The following ARFGEF3 variants were observed in gnomAD, a reference collection of about 807,000 sequenced individuals.
ARFGEF3 encodes the protein brefeldin A-inhibited guanine nucleotide-exchange protein 3.
Under a neutral mutation model 221.7 loss-of-function variants are expected in ARFGEF3, and 96 were observed. That is an observed-to-expected ratio of 0.43 (90% CI 0.37 to 0.51). The LOEUF is 0.51. Ranked by LOEUF, ARFGEF3 falls within the 20% of genes least tolerant of loss-of-function variation. The probability of loss-of-function intolerance (pLI) is 0.00; values close to 1 mark genes in which losing one functional copy is unlikely to be tolerated. For synonymous variants in ARFGEF3, 1,145 were observed against 1,126.8 expected (o/e 1.02, Z -0.32); for missense variants, 2,410 against 2,789.9 (o/e 0.86, Z 3.07).
At chr6:138,304,159 T>C (rs1431662524) in intron 22 of ARFGEF3, among the ~76,000 whole-genome samples, 1 of 152,222 alleles carries the variant, frequency 6.6e-6, no homozygotes, top group East Asian at 1.9e-4. Context: ...TGAAATATTA[T>C]TCTGCAATAA....
chr6:138,261,477 C>CT (rs1778792295), intron 10 of ARFGEF3, 50 bp from the exon 11 acceptor site: 1 of 1,161,372 alleles, frequency 8.6e-7, no homozygotes, highest in Non-Finnish European at 1.2e-6. Flanking sequence ...AAACCTTGTG[C>CT]TTTTTTGTGA....
At chr6:138,207,326 C>T (rs1343592269) in intron 3 of ARFGEF3, among the ~76,000 whole-genome samples, 1 of 152,172 alleles carries the variant, frequency 6.6e-6, no homozygotes, top group Admixed American at 6.5e-5. Flanking sequence ...TTTCGTTGAA[C>T]CTTTGTGATC....
At chr6:138,281,125 AC>A (rs1423386017) in intron 14 of ARFGEF3, among the ~76,000 whole-genome samples, 1 of 152,298 alleles carries the variant, frequency 6.6e-6, no homozygotes, top group East Asian at 1.9e-4. Flanking sequence ...TTGTTTTGAG[AC>A]AATGATCCTT....
chr6:138,221,468 T>C (rs1480745337), intron 4 of ARFGEF3, among the ~76,000 whole-genome samples: 1 of 152,218 alleles, frequency 6.6e-6, no homozygotes, highest in Non-Finnish European at 1.5e-5. Flanking sequence ...TCAATATTTA[T>C]TTGTGATGTT....
At chr6:138,201,658 T>G (rs542099085) in intron 2 of ARFGEF3, among the ~76,000 whole-genome samples, 1 of 152,256 alleles carries the variant, frequency 6.6e-6, no homozygotes, top group South Asian at 2.1e-4. Context: ...ATGGGCTTTT[T>G]GGGGACTTGA....
At chr6:138,323,340 G>A (rs545340014) in intron 29 of ARFGEF3, among the ~76,000 whole-genome samples, 11 of 152,198 alleles carry the variant, frequency 7.2e-5, no homozygotes, top group East Asian at 3.9e-4. Flanking sequence ...GGCCGGGCGC[G>A]GTGTCCCACA....
At chr6:138,217,760 TA>T in intron 4 of ARFGEF3, 1 of 572,436 alleles carries the variant, frequency 1.7e-6, no homozygotes, top group Non-Finnish European at 2.7e-6. Flanking sequence ...AATAACAAAC[TA>T]AATTGAGATA....
intron 2 of ARFGEF3, among the ~76,000 whole-genome samples, chr6:138,197,667 C>T (rs1359628441): frequency 1.3e-5 from 2 of 152,142 alleles, no homozygotes; most frequent in African/African-American, 2.4e-5. Flanking sequence ...CCGTCATTGA[C>T]GGAAACACCA....
intron 9 of ARFGEF3, 136 bp downstream of exon 9, chr6:138,254,120 A>C: frequency 1.7e-6 from 1 of 588,628 alleles, no homozygotes; most frequent in Non-Finnish European, 2.8e-6. Context: ...CTTAGAGGGA[A>C]AGCAGGGAAA....
intron 2 of ARFGEF3, among the ~76,000 whole-genome samples, chr6:138,172,861 T>G (rs1181097025): frequency 1.3e-5 from 2 of 152,240 alleles, no homozygotes; most frequent in Non-Finnish European, 2.9e-5. Context: ...GCTAACCATA[T>G]TGACATTTTG....
At chr6:138,294,989 C>T (rs1402764904) in intron 20 of ARFGEF3, among the ~76,000 whole-genome samples, 2 of 152,166 alleles carry the variant, frequency 1.3e-5, no homozygotes, top group Non-Finnish European at 2.9e-5. Context: ...AGTTGTTTCC[C>T]CACTAGTTTT....
rs778403037 is a variant in ARFGEF3, at chr6:138,255,399, C to T, written c.771-37C>T. On this transcript the variant is annotated intron_variant, in intron 9 of 33. Transcript: ENST00000251691. ...GCAGAGTAAATTTTATCATTTGGCT[C>T]GTGGGGAAAGTTACTTTTCTCACCA... is the stretch of plus-strand genomic sequence containing the variant. The T allele has an allele frequency of 2.0e-5, 29 of 1,466,506 alleles. 1 individual carries two copies. The South Asian group carries it at 2.5e-4, about 13-fold the overall frequency. The allele number at this position is 1,466,506 out of a possible 1,614,324, so 90.8% of individuals were successfully genotyped here.
intron 12 of ARFGEF3, 29 bp from the exon 13 acceptor site, chr6:138,278,422 C>A: frequency 1.2e-6 from 2 of 1,609,184 alleles, no homozygotes; most frequent in Non-Finnish European, 1.7e-6. Context: ...TGTTCACACC[C>A]CCAAAAGTCC....
intron 31 of ARFGEF3, among the ~76,000 whole-genome samples, chr6:138,324,606 A>G (rs1780096227): frequency 6.6e-6 from 1 of 152,252 alleles, no homozygotes; most frequent in African/African-American, 2.4e-5. Context: ...TTAAAATTCA[A>G]GTGTATTCAC....
Position 138,261,613 on chromosome 6 carries a change from A to G in ARFGEF3, c.1191A>G (p.Arg397=), listed in dbSNP as rs748631600. The G allele has an allele frequency of 1.2e-5, 19 of 1,565,366 alleles. No individual in the cohort carries two copies. The Admixed American group carries it at 1.5e-4, about 12-fold the overall frequency. The change falls in exon 11 of 34, where the codon AGA becomes AGG. Residue 397 remains arginine (R), a synonymous_variant. Transcript: ENST00000251691. Reference sequence around the variant, plus strand: ...CCAGAAAAAGATCAATTTCAAAAAGAAAGTCTCATCTGGATCTCCTCAAAC... The same window carrying G: ...CCAGAAAAAGATCAATTTCAAAAAGGAAGTCTCATCTGGATCTCCTCAAAC... ...SESRKRSISK[R]KSHLDLLKLI...
At chr6:138,218,627 T>A in intron 4 of ARFGEF3, 1 of 794,960 alleles carries the variant, frequency 1.3e-6, no homozygotes, top group Non-Finnish European at 1.7e-6. Context: ...TTGTTTCAGA[T>A]GTAGAGAATC....
At chr6:138,195,928 G>T (rs1478911946) in intron 2 of ARFGEF3, among the ~76,000 whole-genome samples, 2 of 151,288 alleles carry the variant, frequency 1.3e-5, no homozygotes, top group African/African-American at 4.9e-5. Context: ...AAATTGACAT[G>T]TGGGAGATAA....
intron 1 of ARFGEF3, among the ~76,000 whole-genome samples, chr6:138,163,665 C>A (rs374218752): frequency 6.6e-6 from 1 of 152,116 alleles, no homozygotes; most frequent in African/African-American, 2.4e-5. Context: ...GAAACCACAA[C>A]GTTGCTGAGT....
chr6:138,164,113 G>A (rs1223679462), intron 1 of ARFGEF3, among the ~76,000 whole-genome samples: 1 of 152,156 alleles, frequency 6.6e-6, no homozygotes, highest in African/African-American at 2.4e-5. Context: ...GGGCATGCTG[G>A]AGACATGAAC....
Sources: allele counts gnomAD v4.1 joint callset (sites outside exome capture counted in the v4.1 genomes callset), GRCh38; gene constraint gnomAD v4.1.1; transcripts MANE v1.5; gene names NCBI Gene and HGNC (gene_info 2026-07-23, HGNC 2026-07-21).